CATSPERB: variants seen among roughly 807,000 people sequenced by gnomAD.
The protein encoded by CATSPERB is catsper channel auxiliary subunit beta, also known as cation channel sperm-associated auxiliary subunit beta.
A neutral mutation model predicts 128.3 loss-of-function variants in CATSPERB; 93 were observed. That is an observed-to-expected ratio of 0.72 (90% confidence interval 0.61 to 0.86). CATSPERB has a LOEUF of 0.86. CATSPERB is among the 40% of genes least tolerant of loss of function. The pLI, the probability that CATSPERB is intolerant of heterozygous loss-of-function variation, is 0.00. For missense variants in CATSPERB, 1,153 were observed against 1,329.5 expected (o/e 0.87, Z 2.06); for synonymous variants, 381 against 448.8 (o/e 0.85, Z 1.91).
chr14:91,594,186 A>G (rs1341276398), intron 22 of CATSPERB, among the ~76,000 whole-genome samples: 2 of 152,208 alleles, frequency 1.3e-5, no homozygotes. Context: ...AGGGACATGG[A>G]TGAAACTGGA....
At chr14:91,649,594 T>C (rs1894670655) in intron 15 of CATSPERB, among the ~76,000 whole-genome samples, 8 of 151,124 alleles carry the variant, frequency 5.3e-5, no homozygotes, top group Admixed American at 5.3e-4. Flanking sequence ...CCTCCTGGGT[T>C]CAAGCGATTC....
intron 11 of CATSPERB, among the ~76,000 whole-genome samples, chr14:91,679,197 T>C (rs1031044713): frequency 6.6e-6 from 1 of 152,166 alleles, no homozygotes; most frequent in African/African-American, 2.4e-5. Flanking sequence ...ACTTGTAGAA[T>C]TATTTCATCT....
rs58330624 is a variant in CATSPERB, at chr14:91,661,524, CATATAT to C, written c.1288-1549_1288-1544del. On this transcript the variant is annotated intron_variant, in intron 14 of 26. Coordinates refer to ENST00000256343, the MANE Select transcript of CATSPERB (RefSeq NM_024764.4). ...ATTAAGCTGCTGAGTCAGATGCTAT[CATATAT>C]ATATATATATATATATATTTAAGAC... Among the ~76,000 whole-genome samples the C allele has an allele frequency of 2.4e-5, 3 of 127,062 alleles. 1 individual carries two copies. The highest frequency in any genetic ancestry group is 3.2e-5 in the African/African-American group (1 of 31,232). 83.4% of individuals were successfully genotyped at this position (127,062 alleles called of 152,430 possible). A position where few individuals can be genotyped will look rare whatever the true frequency, so the allele number is the denominator to read the frequency against.
At chr14:91,595,610 GCA>G (rs1348727118) in intron 22 of CATSPERB, among the ~76,000 whole-genome samples, 3 of 152,162 alleles carry the variant, frequency 2.0e-5, no homozygotes, top group Non-Finnish European at 2.9e-5. Context: ...TCTTTACTAA[GCA>G]CAGGTCAGAA....
rs532515095 is a variant in CATSPERB, at chr14:91,660,152, A to G, written c.1288-171T>C. Among the ~76,000 whole-genome samples, 18 of 152,046 alleles carry G rather than the reference A, an allele frequency of 1.2e-4. No homozygotes were observed. The South Asian group carries it at 2.9e-3, about 25-fold the overall frequency. ...CACACACACACACACACACTCGTAT[A>G]CAGACTCCTTATCTACTTTGTCTAC... On this transcript the variant is annotated intron_variant, in intron 14 of 26. Transcript: ENST00000256343.
At chr14:91,718,485 ACT>A (rs2139776906) in intron 5 of CATSPERB, among the ~76,000 whole-genome samples, 1 of 151,942 alleles carries the variant, frequency 6.6e-6, no homozygotes, top group South Asian at 2.1e-4. Context: ...CCCCCATCCC[ACT>A]CTCCCAATCC....
chr14:91,725,812 G>C (rs928276037), intron 2 of CATSPERB, among the ~76,000 whole-genome samples: 2 of 152,296 alleles, frequency 1.3e-5, no homozygotes, highest in Middle Eastern at 6.8e-3. Flanking sequence ...GAAACCCACA[G>C]CCCTAATGAA....
At chr14:91,715,353 GGACTTT>G (rs1895919156) in intron 5 of CATSPERB, among the ~76,000 whole-genome samples, 1 of 151,870 alleles carries the variant, frequency 6.6e-6, no homozygotes, top group Non-Finnish European at 1.5e-5. Context: ...CCTGAGGTTA[GGACTTT>G]GAGACCAGCC....
rs190757902 is a variant in CATSPERB at position 91,721,698 on chromosome 14, A to C, written c.309+1351T>G. 2.0e-5 allele frequency among the ~76,000 whole-genome samples: 3 copies of C among 152,164 alleles called. No individual in the cohort carries two copies. In the East Asian group the frequency reaches 5.8e-4, roughly 29 times the overall value. ...CCCTGTTCTCTACTAAAAATACAAA[A>C]AATTAGCCAGGTTTGGTGGCGGATG... On this transcript the variant is annotated intron_variant, in intron 4 of 26. Coordinates refer to ENST00000256343, the MANE Select transcript of CATSPERB (RefSeq NM_024764.4).
rs115708915 is a variant in CATSPERB at position 91,725,822 on chromosome 14, A to G, written c.80-654T>C. 5.2e-3 allele frequency among the ~76,000 whole-genome samples: 789 copies of G among 152,308 alleles called. 7 individuals are homozygous for G. The highest frequency in any genetic ancestry group is 0.018 in the African/African-American group (737 of 41,560). ...GCCTGGAAACCCACAGCCCTAATGA[A>G]AACAGGCATTTCTGTTTTCGTGCCC... On this transcript the variant is annotated intron_variant, in intron 2 of 26. Coordinates refer to ENST00000256343, the MANE Select transcript of CATSPERB (RefSeq NM_024764.4).
chr14:91,707,288 C>T (rs1031081813), intron 6 of CATSPERB, among the ~76,000 whole-genome samples: 1 of 152,094 alleles, frequency 6.6e-6, no homozygotes, highest in Admixed American at 6.5e-5. Flanking sequence ...TGCAATTATA[C>T]CTCAGTACAT....
At chr14:91,655,465 G>T (rs1443040389) in intron 15 of CATSPERB, among the ~76,000 whole-genome samples, 3 of 152,192 alleles carry the variant, frequency 2.0e-5, no homozygotes, top group Non-Finnish European at 4.4e-5. Flanking sequence ...CCAGAATCCT[G>T]TCAGATAAAT....
At chr14:91,625,815 T>C (rs1217196157) in intron 17 of CATSPERB, among the ~76,000 whole-genome samples, 2 of 152,190 alleles carry the variant, frequency 1.3e-5, no homozygotes, top group Admixed American at 1.3e-4. Flanking sequence ...TAGACACAGA[T>C]CTTACAATCA....
At chr14:91,636,349 C>G (rs1595157645) in intron 17 of CATSPERB, 76 bp downstream of exon 17, 1 of 1,378,522 alleles carries the variant, frequency 7.3e-7, no homozygotes, top group South Asian at 1.3e-5. Context: ...GATGACAGAG[C>G]AAGACCCTAT....
intron 15 of CATSPERB, among the ~76,000 whole-genome samples, chr14:91,653,900 G>A (rs1488405517): frequency 1.3e-5 from 2 of 152,218 alleles, no homozygotes; most frequent in East Asian, 3.8e-4. Flanking sequence ...ACTTTACTGA[G>A]TTGAGAAAAT....
intron 2 of CATSPERB, among the ~76,000 whole-genome samples, chr14:91,727,805 G>T (rs944407468): frequency 1.5e-5 from 2 of 136,396 alleles, no homozygotes; most frequent in Non-Finnish European, 3.3e-5. Flanking sequence ...GGTTGAGCTG[G>T]ATTTAGATGT....
chr14:91,582,374 C>T (rs1295023987), intron 26 of CATSPERB, among the ~76,000 whole-genome samples: 1 of 152,146 alleles, frequency 6.6e-6, no homozygotes, highest in Non-Finnish European at 1.5e-5. Flanking sequence ...ATATTCCAGC[C>T]AAATGGATTT....
rs1376593971 is a variant in CATSPERB at position 91,617,679 on chromosome 14, A to G, written c.2318T>C (p.Leu773Ser). 3.7e-6 allele frequency: 6 copies of G among 1,601,196 alleles called. No individual in the cohort carries two copies. In the East Asian group the frequency reaches 1.4e-4, roughly 37 times the overall value. ...LTVFVGNPNL[L>S]EVTAEVTFDD... is the part of the protein sequence containing the mutation. ...AAAAGTCACTTCAGCTGTAACTTCC[A>G]ACAAATTAGGGTTTCCAACAAACAC... The change falls in exon 20 of 27, where the codon TTG becomes TCG. Residue 773 changes from leucine (L) to serine (S), a missense_variant. Coordinates refer to ENST00000256343, the MANE Select transcript of CATSPERB (RefSeq NM_024764.4).
At chr14:91,582,860 A>G (rs1405779203) in intron 26 of CATSPERB, among the ~76,000 whole-genome samples, 1 of 152,132 alleles carries the variant, frequency 6.6e-6, no homozygotes, top group Non-Finnish European at 1.5e-5. Context: ...GTGTTTCCTC[A>G]TTATACTTGG....
Sources: allele counts gnomAD v4.1 joint callset (sites outside exome capture counted in the v4.1 genomes callset), GRCh38; gene constraint gnomAD v4.1.1; transcripts MANE v1.5; gene names NCBI Gene and HGNC (gene_info 2026-07-23, HGNC 2026-07-21).